The following ROBO1 variants were observed in gnomAD, a reference collection of about 807,000 sequenced individuals.
ROBO1 encodes roundabout homolog 1.
Under a neutral mutation model 195.9 loss-of-function variants are expected in ROBO1, and 149 were observed. The ratio of observed to expected loss-of-function variants is 0.76; its 90% CI spans 0.67 to 0.87. The LOEUF is 0.87. ROBO1 is among the 40% of genes least tolerant of loss of function. ROBO1 has a pLI of 0.00. For synonymous variants in ROBO1, 816 were observed against 733.2 expected (o/e 1.11, Z -1.82); for missense variants, 1,933 against 2,068.3 (o/e 0.93, Z 1.27).
chr3:78,976,011 T>C (rs948828993), intron 3 of ROBO1, among the ~76,000 whole-genome samples: 4 of 152,198 alleles, frequency 2.6e-5, no homozygotes, highest in Non-Finnish European at 5.9e-5. Flanking sequence ...TTTTGTTCTT[T>C]TGTTAATTGT....
At chr3:79,697,628 G>T (rs1947486044) in intron 1 of ROBO1, among the ~76,000 whole-genome samples, 1 of 151,284 alleles carries the variant, frequency 6.6e-6, no homozygotes, top group Non-Finnish European at 1.5e-5. Context: ...CAAATTCTTT[G>T]TCACAATAAG....
intron 4 of ROBO1, among the ~76,000 whole-genome samples, chr3:78,898,973 T>C (rs552775205): frequency 6.6e-6 from 1 of 152,248 alleles, no homozygotes; most frequent in Admixed American, 6.5e-5. Flanking sequence ...CAACCGTGTA[T>C]ATAGCGCATC....
At position 79,126,373 on chromosome 3, in the gene ROBO1, G is replaced by C. The variant is rs2080215151; in HGVS notation, c.89-834C>G. ...TTTTCCCACGCAGAATTTTAGAGTG[G>C]AGGCTAAGCACAACAACACTCCAGT... On this transcript the variant is annotated intron_variant, in intron 2 of 30. Transcript: ENST00000464233. Among the ~76,000 whole-genome samples the C allele has an allele frequency of 2.0e-5, 3 of 152,062 alleles. No individual in the cohort carries two copies. In the South Asian group the frequency reaches 6.2e-4, roughly 31 times the overall value.
intron 2 of ROBO1, among the ~76,000 whole-genome samples, chr3:79,552,337 G>T (rs34795984): frequency 2.0e-5 from 3 of 151,960 alleles, no homozygotes; most frequent in African/African-American, 7.2e-5. Flanking sequence ...TCATATGTTA[G>T]ATTCAATGTA....
At chr3:78,995,355 C>T (rs1007280322) in intron 3 of ROBO1, among the ~76,000 whole-genome samples, 8 of 152,000 alleles carry the variant, frequency 5.3e-5, no homozygotes, top group South Asian at 4.1e-4. Context: ...TGGTTAATGA[C>T]GCCAGCAAGC....
intron 8 of ROBO1, among the ~76,000 whole-genome samples, chr3:78,700,764 CTTTT>C (rs71127355): frequency 6.9e-6 from 1 of 144,412 alleles, no homozygotes; most frequent in African/African-American, 2.6e-5. Flanking sequence ...ATCTTTTTTT[CTTTT>C]TTTTTTTTTT....
intron 2 of ROBO1, among the ~76,000 whole-genome samples, chr3:79,472,354 T>C (rs1362829665): frequency 6.6e-6 from 1 of 152,096 alleles, no homozygotes; most frequent in Non-Finnish European, 1.5e-5. Flanking sequence ...TGTCCCTCTT[T>C]AGGCCCATCC....
At chr3:78,917,294 A>G (rs2038667055) in intron 4 of ROBO1, among the ~76,000 whole-genome samples, 1 of 151,742 alleles carries the variant, frequency 6.6e-6, no homozygotes, top group African/African-American at 2.4e-5. Context: ...ATGGGGTTTC[A>G]CCATGTTGTC....
chr3:79,566,516 TAA>T (rs1290487855), intron 2 of ROBO1, among the ~76,000 whole-genome samples: 2 of 152,070 alleles, frequency 1.3e-5, no homozygotes. Context: ...AACTATCACT[TAA>T]AAAAGTCTTT....
intron 2 of ROBO1, among the ~76,000 whole-genome samples, chr3:79,282,219 G>C (rs1018411879): frequency 6.6e-6 from 1 of 152,192 alleles, no homozygotes; most frequent in Admixed American, 6.5e-5. Context: ...CCTTAATTAA[G>C]TTTTGAAGAT....
At chr3:79,165,766 A>C (rs2081052582) in intron 2 of ROBO1, among the ~76,000 whole-genome samples, 1 of 152,198 alleles carries the variant, frequency 6.6e-6, no homozygotes. Flanking sequence ...TTGATATGTC[A>C]GCTTGGATAG....
At position 79,046,087 on chromosome 3, in the gene ROBO1, T is replaced by C. The variant is rs916094642; in HGVS notation, c.172+79369A>G. 7.9e-5 allele frequency among the ~76,000 whole-genome samples: 12 copies of C among 152,002 alleles called. 1 individual carries two copies. Among genetic ancestry groups the C allele is most frequent in the Non-Finnish European group, 1.5e-5 (1 of 67,990 alleles). On this transcript the variant is annotated intron_variant, in intron 3 of 30. Coordinates refer to ENST00000464233, the MANE Select transcript of ROBO1 (RefSeq NM_002941.4). ...TAGACTTGTGTATAACAGAATAGAG[T>C]AAAAGGAATGGGATACTGCTTTTGA...
chr3:78,675,461 C>T (rs1477278547), intron 10 of ROBO1, among the ~76,000 whole-genome samples: 1 of 152,128 alleles, frequency 6.6e-6, no homozygotes, highest in African/African-American at 2.4e-5. Context: ...GTCACTCCCA[C>T]CCTAATACTG....
chr3:79,346,563 T>C (rs1191742487), intron 2 of ROBO1, among the ~76,000 whole-genome samples: 1 of 152,128 alleles, frequency 6.6e-6, no homozygotes, highest in African/African-American at 2.4e-5. Flanking sequence ...GCTATCTAAG[T>C]GAAAACAGCA....
chr3:79,703,983 A>G (rs1947694678), intron 1 of ROBO1, among the ~76,000 whole-genome samples: 1 of 152,014 alleles, frequency 6.6e-6, no homozygotes, highest in Non-Finnish European at 1.5e-5. Context: ...AATGACACCT[A>G]CAGTCATAAT....
chr3:79,733,132 C>T (rs907185578), intron 1 of ROBO1, among the ~76,000 whole-genome samples: 22 of 152,098 alleles, frequency 1.4e-4, no homozygotes, highest in Admixed American at 6.6e-4. Context: ...TCGATAAATC[C>T]GCAAGGGCTA....
chr3:78,798,051 CA>C (rs1239852612), intron 4 of ROBO1, among the ~76,000 whole-genome samples: 2 of 152,106 alleles, frequency 1.3e-5, no homozygotes, highest in Admixed American at 1.3e-4. Flanking sequence ...TCACATTTTG[CA>C]CACAAAATTC....
Position 78,598,256 on chromosome 3 carries a change from T to A in ROBO1, c.*657A>T, listed in dbSNP as rs990168338. Reference sequence around the variant, plus strand: ...TACTTATCCAAAAGTACATTTCCAATAAGAATATACTTCAATGATTGAAAT... The same window carrying A: ...TACTTATCCAAAAGTACATTTCCAAAAAGAATATACTTCAATGATTGAAAT... On this transcript the variant is annotated 3_prime_UTR_variant, in exon 31 of 31. Transcript: ENST00000464233. 1.3e-5 allele frequency: 2 copies of A among 152,284 alleles called. No individual in the cohort carries two copies. The highest frequency in any genetic ancestry group is 4.8e-5 in the African/African-American group (2 of 41,454). The allele number at this position is 152,284 out of a possible 1,614,324, so 9.4% of individuals were successfully genotyped here.
chr3:79,496,479 GTT>G (rs2107476650), intron 2 of ROBO1, among the ~76,000 whole-genome samples: 1 of 142,308 alleles, frequency 7.0e-6, no homozygotes, highest in African/African-American at 2.7e-5. Flanking sequence ...CGCTTCCCGG[GTT>G]CACGCCATTC....
Sources: allele counts gnomAD v4.1 joint callset (sites outside exome capture counted in the v4.1 genomes callset), GRCh38; gene constraint gnomAD v4.1.1; transcripts MANE v1.5; gene names NCBI Gene and HGNC (gene_info 2026-07-23, HGNC 2026-07-21).